Variants in LRRTM4 observed in about 807,000 individuals in gnomAD.
LRRTM4 encodes leucine-rich repeat transmembrane neuronal protein 4.
Under a neutral mutation model 47.6 loss-of-function variants are expected in LRRTM4, and 25 were observed. That is an observed-to-expected ratio of 0.53 (90% CI 0.38 to 0.73). The LOEUF (loss-of-function observed/expected upper bound fraction) is 0.73. Among genes scored for constraint, LRRTM4 ranks in the 30% least tolerant of loss-of-function variants. LRRTM4 has a pLI of 0.00. For synonymous variants in LRRTM4, 311 were observed against 269.5 expected (o/e 1.15, Z -1.51); for missense variants, 638 against 713.4 (o/e 0.89, Z 1.20).
chr2:77,059,137 ATTTATTCT>A (rs1259931437), intron 3 of LRRTM4, among the ~76,000 whole-genome samples: 2 of 152,154 alleles, frequency 1.3e-5, no homozygotes, highest in Non-Finnish European at 2.9e-5. Flanking sequence ...CTGTAGCTAA[ATTTATTCT>A]TTTATACATG....
At chr2:77,465,093 T>C (rs137932014) in intron 3 of LRRTM4, among the ~76,000 whole-genome samples, 28 of 152,304 alleles carry the variant, frequency 1.8e-4, no homozygotes, top group Admixed American at 7.2e-4. Context: ...CCTTAATTTT[T>C]TATTGAAGTC....
At chr2:77,229,345 T>C (rs1674901486) in intron 3 of LRRTM4, among the ~76,000 whole-genome samples, 1 of 152,096 alleles carries the variant, frequency 6.6e-6, no homozygotes, top group Non-Finnish European at 1.5e-5. Context: ...AAATCATATA[T>C]TCCTTTATCC....
intron 3 of LRRTM4, among the ~76,000 whole-genome samples, chr2:77,437,886 G>A (rs1476445616): frequency 6.6e-6 from 1 of 152,064 alleles, no homozygotes; most frequent in Non-Finnish European, 1.5e-5. Flanking sequence ...GGAATGAGTA[G>A]GGATGATTAT....
chr2:76,805,106 T>C (rs1335473467), intron 3 of LRRTM4, among the ~76,000 whole-genome samples: 2 of 152,164 alleles, frequency 1.3e-5, no homozygotes, highest in Non-Finnish European at 2.9e-5. Flanking sequence ...TTAATGAAGA[T>C]TGAAGCCTCA....
chr2:76,861,743 T>C (rs1672319206), intron 3 of LRRTM4, among the ~76,000 whole-genome samples: 2 of 152,234 alleles, frequency 1.3e-5, no homozygotes, highest in African/African-American at 4.8e-5. Context: ...GAAAGCCTTT[T>C]AGTGCTTATA....
intron 3 of LRRTM4, among the ~76,000 whole-genome samples, chr2:76,795,378 G>C (rs888253457): frequency 6.6e-6 from 1 of 151,862 alleles, no homozygotes; most frequent in Non-Finnish European, 1.5e-5. Context: ...CTTTATATAA[G>C]ACAATTAACA....
chr2:76,800,866 C>G, intron 3 of LRRTM4, among the ~76,000 whole-genome samples: 1 of 151,064 alleles, frequency 6.6e-6, no homozygotes, highest in African/African-American at 2.4e-5. Flanking sequence ...CTCATCATCA[C>G]TGGCCATCAG....
chr2:77,381,298 A>C (rs1445961528), intron 3 of LRRTM4, among the ~76,000 whole-genome samples: 2 of 152,220 alleles, frequency 1.3e-5, no homozygotes, highest in African/African-American at 4.8e-5. Context: ...CTTTCCACAA[A>C]TGTTACATAT....
chr2:77,298,254 T>G (rs1677026925), intron 3 of LRRTM4, among the ~76,000 whole-genome samples: 1 of 152,246 alleles, frequency 6.6e-6, no homozygotes, highest in Non-Finnish European at 1.5e-5. Flanking sequence ...GTTTTGTTTT[T>G]GAGATGAAGT....
At chr2:77,092,951 C>A (rs1263125413) in intron 3 of LRRTM4, among the ~76,000 whole-genome samples, 1 of 148,160 alleles carries the variant, frequency 6.7e-6, no homozygotes, top group African/African-American at 2.6e-5. Context: ...AAGGACTGGA[C>A]AATACTTTTC....
At position 76,756,816 on chromosome 2, in the gene LRRTM4, C is replaced by A. The variant is rs148144694; in HGVS notation, c.1552-7900G>T. Among the ~76,000 whole-genome samples the A allele has an allele frequency of 7.2e-5, 11 of 151,970 alleles. No homozygotes were observed. In the East Asian group the frequency reaches 2.1e-3, roughly 29 times the overall value. On this transcript the variant is annotated intron_variant, in intron 3 of 3. Coordinates refer to ENST00000409884, the MANE Select transcript of LRRTM4 (RefSeq NM_001134745.3). ...AAAAATTCCAGAATTCGAAAGAAGA[C>A]GAGGAAGGCAAGATTTACTAAAAAT...
chr2:77,511,160 T>TA (rs1678969928), intron 3 of LRRTM4, among the ~76,000 whole-genome samples: 1 of 152,010 alleles, frequency 6.6e-6, no homozygotes, highest in Non-Finnish European at 1.5e-5. Context: ...GAGAGGAAAT[T>TA]AAAAAAATTA....
intron 3 of LRRTM4, among the ~76,000 whole-genome samples, chr2:77,114,199 C>A (rs1671327968): frequency 2.0e-5 from 3 of 152,078 alleles, no homozygotes; most frequent in Non-Finnish European, 4.4e-5. Flanking sequence ...GCCCAATCAC[C>A]CCACACAGTG....
intron 3 of LRRTM4, among the ~76,000 whole-genome samples, chr2:76,877,806 A>C (rs915580054): frequency 3.3e-5 from 5 of 152,164 alleles, no homozygotes; most frequent in African/African-American, 1.2e-4. Context: ...ACAGGGATGA[A>C]AAAGTCAGAG....
At chr2:77,207,349 G>GTATGTATA (rs1674159418) in intron 3 of LRRTM4, among the ~76,000 whole-genome samples, 1 of 120,840 alleles carries the variant, frequency 8.3e-6, no homozygotes, top group Non-Finnish European at 1.6e-5. Flanking sequence ...TCATATATGT[G>GTATGTATA]TATATATATA....
intron 3 of LRRTM4, among the ~76,000 whole-genome samples, chr2:77,269,369 T>G (rs1676132424): frequency 6.6e-6 from 1 of 152,114 alleles, no homozygotes; most frequent in Non-Finnish European, 1.5e-5. Flanking sequence ...AAATGTTGAA[T>G]AAATATCATT....
intron 3 of LRRTM4, among the ~76,000 whole-genome samples, chr2:77,123,016 T>A (rs1671559053): frequency 6.6e-6 from 1 of 151,794 alleles, no homozygotes; most frequent in Non-Finnish European, 1.5e-5. Flanking sequence ...CTCAATGTGT[T>A]AAGAACAAAG....
chr2:77,197,189 T>C lies in LRRTM4; in HGVS notation c.1551+321129A>G, dbSNP rs184183228. Among the ~76,000 whole-genome samples, 540 of 152,276 alleles carry C rather than the reference T, an allele frequency of 3.5e-3. 1 individual carries two copies. The highest frequency in any genetic ancestry group is 6.8e-3 in the Middle Eastern group (2 of 294). On this transcript the variant is annotated intron_variant, in intron 3 of 3. Transcript: ENST00000409884. ...ATCTTTGTACTGAGGATAGATTAAG[T>C]AATAAATCATAAACTAGTTAATTAA...
At chr2:77,011,907 G>A (rs12987907) in intron 3 of LRRTM4, among the ~76,000 whole-genome samples, 58,221 of 151,690 alleles carry the variant, frequency 0.38, 11,587 homozygotes, top group East Asian at 0.52. Flanking sequence ...TGAGACCTCA[G>A]AACTGCCAAA....
Sources: allele counts gnomAD v4.1 joint callset (sites outside exome capture counted in the v4.1 genomes callset), GRCh38; gene constraint gnomAD v4.1.1; transcripts MANE v1.5; gene names NCBI Gene and HGNC (gene_info 2026-07-23, HGNC 2026-07-21).